The following KCNJ6 variants were observed in gnomAD, a reference collection of about 807,000 sequenced individuals.
KCNJ6 encodes potassium inwardly rectifying channel subfamily J member 6, also known as G protein-activated inward rectifier potassium channel 2.
A neutral mutation model predicts 34.2 loss-of-function variants in KCNJ6; 9 were observed. The observed-to-expected ratio is 0.26, with a 90% CI of 0.16 to 0.46. The LOEUF (loss-of-function observed/expected upper bound fraction) is 0.46. Ranked by LOEUF, KCNJ6 falls within the 20% of genes least tolerant of loss-of-function variation. The probability of loss-of-function intolerance (pLI) is 1.00; values close to 1 mark genes in which losing one functional copy is unlikely to be tolerated. For synonymous variants in KCNJ6, 196 were observed against 207.1 expected (o/e 0.95, Z 0.46); for missense variants, 236 against 531.3 (o/e 0.44, Z 5.46).
intron 1 of KCNJ6, among the ~76,000 whole-genome samples, chr21:37,873,215 C>T (rs1435894318): frequency 1.3e-5 from 2 of 152,144 alleles, no homozygotes; most frequent in Non-Finnish European, 2.9e-5. Context: ...GCGCTGCAGT[C>T]GTTTCTTATT....
intron 3 of KCNJ6, among the ~76,000 whole-genome samples, chr21:37,674,369 C>A (rs1432362189): frequency 6.6e-6 from 1 of 152,120 alleles, no homozygotes; most frequent in Non-Finnish European, 1.5e-5. Flanking sequence ...CACAGCCATC[C>A]TTTCAAAATG....
chr21:37,736,696 G>T (rs1189895860), intron 2 of KCNJ6, among the ~76,000 whole-genome samples: 1 of 152,150 alleles, frequency 6.6e-6, no homozygotes, highest in East Asian at 1.9e-4. Flanking sequence ...CAATGCAGGG[G>T]ACTCCTCCAT....
intron 2 of KCNJ6, among the ~76,000 whole-genome samples, chr21:37,774,812 A>G (rs1406212908): frequency 6.6e-6 from 1 of 152,122 alleles, no homozygotes; most frequent in Non-Finnish European, 1.5e-5. Context: ...GTAAACATAC[A>G]TGTGCATGTG....
chr21:37,840,333 G>T (rs1431950775), intron 2 of KCNJ6, among the ~76,000 whole-genome samples: 3 of 152,192 alleles, frequency 2.0e-5, no homozygotes, highest in African/African-American at 7.2e-5. Flanking sequence ...AACTTCAGCT[G>T]ACTTTGACTA....
At chr21:37,908,258 G>T (rs189561652) in intron 1 of KCNJ6, among the ~76,000 whole-genome samples, 1 of 152,188 alleles carries the variant, frequency 6.6e-6, no homozygotes, top group Non-Finnish European at 1.5e-5. Context: ...TTTCTAGGTT[G>T]TAAGTTTGGC....
intron 2 of KCNJ6, among the ~76,000 whole-genome samples, chr21:37,826,654 T>C (rs1190292236): frequency 6.6e-6 from 1 of 151,648 alleles, no homozygotes; most frequent in Non-Finnish European, 1.5e-5. Flanking sequence ...CAAGGAAGAA[T>C]CGTGTAAAAT....
chr21:37,848,031 G>T (rs2055518605), intron 1 of KCNJ6, among the ~76,000 whole-genome samples: 6 of 152,194 alleles, frequency 3.9e-5, no homozygotes, highest in Admixed American at 3.9e-4. Flanking sequence ...CTTGGTGTGA[G>T]AAGAAGAGCA....
At chr21:37,841,561 G>A (rs1214286057) in intron 1 of KCNJ6, among the ~76,000 whole-genome samples, 1 of 152,074 alleles carries the variant, frequency 6.6e-6, no homozygotes, top group Admixed American at 6.6e-5. Context: ...ACCCCCAGAG[G>A]AAATCATGGT....
In KCNJ6 at chr21:37,607,483, T is replaced by TATATATATATATATATATATATATA. The variant is rs201127739; in HGVS notation, c.*17675_*17676insTATATATATATATATATATATATAT. On this transcript the variant is annotated 3_prime_UTR_variant, in exon 4 of 4. Transcript: ENST00000609713. Reference sequence around the variant, plus strand: ...TTAAAGATATATATATATATATATATTTTTTTTTTATTTTAAAAAAATTTG... The same window carrying TATATATATATATATATATATATATA: ...TTAAAGATATATATATATATATATATATATATATATATATATATATATATATTTTTTTTTATTTTAAAAAAATTTG... 3 of 92,124 alleles carry TATATATATATATATATATATATATA rather than the reference T, an allele frequency of 3.3e-5. No homozygotes were observed. Among genetic ancestry groups the TATATATATATATATATATATATATA allele is most frequent in the Non-Finnish European group, 4.5e-5 (2 of 44,674 alleles). 5.7% of individuals were successfully genotyped at this position (92,124 alleles called of 1,614,324 possible).
chr21:37,914,008 G>GGTGTGTGTGT (rs371432862), intron 1 of KCNJ6, among the ~76,000 whole-genome samples: 9,334 of 135,466 alleles, frequency 0.069, 448 homozygotes, highest in East Asian at 0.15. Flanking sequence ...GGCGGATCGG[G>GGTGTGTGTGT]GTGTGTGTGT....
chr21:37,785,213 TGA>T (rs1176056956), intron 2 of KCNJ6, among the ~76,000 whole-genome samples: 2 of 152,198 alleles, frequency 1.3e-5, no homozygotes, highest in Non-Finnish European at 2.9e-5. Context: ...GATGAGAACC[TGA>T]GGCTTCAGGT....
At chr21:37,628,877 T>C (rs1182348644) in intron 3 of KCNJ6, among the ~76,000 whole-genome samples, 33 of 152,148 alleles carry the variant, frequency 2.2e-4, no homozygotes, top group Admixed American at 2.1e-3. Context: ...CAGAAGGCCA[T>C]GAGAAGACAT....
intron 2 of KCNJ6, chr21:37,717,008 A>C (rs541606818): frequency 1.1e-4 from 17 of 154,510 alleles, no homozygotes; most frequent in African/African-American, 3.4e-4. Context: ...CTGAATAAGA[A>C]CATAGCCGGA....
chr21:37,881,918 T>A (rs1230337405), intron 1 of KCNJ6, among the ~76,000 whole-genome samples: 1 of 152,164 alleles, frequency 6.6e-6, no homozygotes. Context: ...AGGGCAGTGC[T>A]AAGACCAACA....
chr21:37,728,815 T>G (rs1601441506), intron 2 of KCNJ6, among the ~76,000 whole-genome samples: 1 of 152,214 alleles, frequency 6.6e-6, no homozygotes, highest in African/African-American at 2.4e-5. Flanking sequence ...TAGTTACAAG[T>G]GGAACCAGAA....
chr21:37,875,452 G>C (rs2055673326), intron 1 of KCNJ6, among the ~76,000 whole-genome samples: 1 of 152,088 alleles, frequency 6.6e-6, no homozygotes, highest in Non-Finnish European at 1.5e-5. Context: ...AGCCAGAGGT[G>C]GGGACAGAGT....
intron 3 of KCNJ6, among the ~76,000 whole-genome samples, chr21:37,701,320 G>C (rs758196686): frequency 5.9e-5 from 9 of 152,184 alleles, no homozygotes; most frequent in Non-Finnish European, 1.0e-4. Context: ...GGAGGCGGTT[G>C]GAACTGGTTG....
chr21:37,670,984 T>C (rs572037225), intron 3 of KCNJ6, among the ~76,000 whole-genome samples: 2 of 152,376 alleles, frequency 1.3e-5, no homozygotes, highest in Admixed American at 6.5e-5. Context: ...CCTTTTTGAA[T>C]TGTCCATTGC....
At chr21:37,748,986 C>T (rs570801485) in intron 2 of KCNJ6, among the ~76,000 whole-genome samples, 131 of 152,152 alleles carry the variant, frequency 8.6e-4, no homozygotes, top group Admixed American at 1.6e-3. Context: ...AGATATTTAA[C>T]GCTCACATTT....
Sources: allele counts gnomAD v4.1 joint callset (sites outside exome capture counted in the v4.1 genomes callset), GRCh38; gene constraint gnomAD v4.1.1; transcripts MANE v1.5; gene names NCBI Gene and HGNC (gene_info 2026-07-23, HGNC 2026-07-21).